Variants in ESCO2 observed in about 807,000 individuals in gnomAD.
ESCO2 encodes the protein N-acetyltransferase ESCO2.
A neutral mutation model predicts 61.7 loss-of-function variants in ESCO2; 51 were observed. The observed-to-expected ratio is 0.83, with a 90% CI of 0.66 to 1.04. The LOEUF is 1.04. ESCO2 is among the 50% of genes least tolerant of loss of function. The probability of loss-of-function intolerance (pLI) is 0.00; values close to 1 mark genes in which losing one functional copy is unlikely to be tolerated. For missense variants in ESCO2, 692 were observed against 686.2 expected, an observed-to-expected ratio of 1.01 and a Z score of -0.09; for synonymous variants, 230 against 238.2, an observed-to-expected ratio of 0.97 and a Z score of 0.32.
downstream of ESCO2, among the ~76,000 whole-genome samples, chr8:27,814,848 C>T (rs775362507): frequency 2.0e-5 from 3 of 152,062 alleles, no homozygotes; most frequent in Non-Finnish European, 4.4e-5. Flanking sequence ...TCCATTGTGG[C>T]CAACAAATAT....
At position 27,802,583 on chromosome 8, in the gene ESCO2, G is replaced by C. The variant is rs1333687596; in HGVS notation, c.1674-723G>C. Among the ~76,000 whole-genome samples the C allele has an allele frequency of 2.9e-5, 3 of 103,916 alleles. No homozygotes were observed. In the South Asian group the frequency reaches 1.1e-3, roughly 38 times the overall value. 68.2% of individuals were successfully genotyped at this position (103,916 alleles called of 152,430 possible). On this transcript the variant is annotated intron_variant, in intron 10 of 10. Transcript: ENST00000305188. ...AGATCGTGCCACTGCACTCCAGCCT[G>C]GGCGACAAAGTGAGACTCTGTCTCA...
At chr8:27,795,981 A>G (rs745424375) in intron 9 of ESCO2, among the ~76,000 whole-genome samples, 45 of 151,902 alleles carry the variant, frequency 3.0e-4, no homozygotes, top group Admixed American at 2.6e-4. Flanking sequence ...CTTTGGAGGT[A>G]TTCTTCAGTT....
chr8:27,811,052 G>A (rs369509839), downstream of ESCO2: 223 of 1,611,794 alleles, frequency 1.4e-4, no homozygotes, highest in Non-Finnish European at 1.8e-4. Context: ...TGTCTGCCTT[G>A]TCAGTAATAA....
chr8:27,791,904 T>C (rs942159395), intron 7 of ESCO2, 59 bp from the exon 8 acceptor site: 1 of 1,385,164 alleles, frequency 7.2e-7, no homozygotes, highest in Non-Finnish European at 1.0e-6. Context: ...AATTATTTAA[T>C]GTTGGTTTTT....
intron 9 of ESCO2, among the ~76,000 whole-genome samples, chr8:27,795,626 T>C (rs767513105): frequency 1.3e-5 from 2 of 152,232 alleles, no homozygotes; most frequent in Non-Finnish European, 2.9e-5. Context: ...CATTGCTAAG[T>C]ATGATGTTAG....
intron 7 of ESCO2, among the ~76,000 whole-genome samples, chr8:27,789,506 G>A (rs942334699): frequency 4.6e-5 from 7 of 152,176 alleles, no homozygotes; most frequent in African/African-American, 1.7e-4. Context: ...TAGGCCGGGT[G>A]CAGTGACTCA....
At chr8:27,789,275 G>C (rs999370805) in intron 7 of ESCO2, among the ~76,000 whole-genome samples, 1 of 152,130 alleles carries the variant, frequency 6.6e-6, no homozygotes, top group African/African-American at 2.4e-5. Context: ...TTTTTTCTGA[G>C]AGGAGAGGTC....
intron 4 of ESCO2, among the ~76,000 whole-genome samples, chr8:27,782,046 G>T (rs1409061801): frequency 6.6e-6 from 1 of 151,780 alleles, no homozygotes; most frequent in East Asian, 1.9e-4. Context: ...TTATTTCTTT[G>T]TTTGCATATT....
intron 8 of ESCO2, 102 bp downstream of exon 8, chr8:27,792,154 T>C: frequency 9.4e-7 from 1 of 1,061,322 alleles, no homozygotes; most frequent in Non-Finnish European, 1.4e-6. Context: ...TTCACTTGGG[T>C]ACCTGCTTAA....
chr8:27,805,732 C>A (rs1410077856), downstream of ESCO2, among the ~76,000 whole-genome samples: 1 of 152,100 alleles, frequency 6.6e-6, no homozygotes, highest in Admixed American at 6.5e-5. Flanking sequence ...CGCCTGAGCT[C>A]CCTAAGTAGC....
rs112842216 is a variant in ESCO2 at position 27,799,724 on chromosome 8, A to G, written c.1673+8A>G. 1.1e-5 allele frequency: 17 copies of G among 1,613,942 alleles called. 2 individuals are homozygous for G. In the African/African-American group the frequency reaches 1.7e-4, roughly 16 times the overall value. ...ACTGGTTGATACCCTCAGGTAAGAAATAAAATGGATCTAGATCCAGAACCT... is the reference window on the plus strand; with the variant it reads ...ACTGGTTGATACCCTCAGGTAAGAAGTAAAATGGATCTAGATCCAGAACCT... On this transcript the variant is annotated splice_region_variant and intron_variant, in intron 10 of 10. Transcript: ENST00000305188.
In ESCO2 at chr8:27,795,276, A is replaced by G. The variant is rs1409888509; in HGVS notation, c.1497+2465A>G. 3.9e-5 allele frequency among the ~76,000 whole-genome samples: 6 copies of G among 152,090 alleles called. No individual in the cohort carries two copies. In the East Asian group the frequency reaches 7.7e-4, roughly 20 times the overall value. On this transcript the variant is annotated intron_variant, in intron 9 of 10. Coordinates refer to ENST00000305188, the MANE Select transcript of ESCO2 (RefSeq NM_001017420.3). The stretch of plus-strand genomic sequence containing the variant: ...ATTCATAAGTGGGGTTTTTTATGCT[A>G]TTATAAGTGGATTGTCTTCTTGACT...
chr8:27,799,524 T>G lies in ESCO2; in HGVS notation c.1498-17T>G. ...ATCTGTGGTGTTAGCTATAGATGCT[T>G]CTGTATATCATTGCAGGCATTTCGT... On this transcript the variant is annotated splice_polypyrimidine_tract_variant and intron_variant, in intron 9 of 10. Transcript: ENST00000305188. 1 of 1,613,858 alleles carries G rather than the reference T, an allele frequency of 6.2e-7. No individual in the cohort carries two copies. The highest frequency in any genetic ancestry group is 8.5e-7 in the Non-Finnish European group (1 of 1,179,904).
At chr8:27,816,856 G>A (rs1315395534), downstream of ESCO2, among the ~76,000 whole-genome samples, 1 of 151,642 alleles carries the variant, frequency 6.6e-6, no homozygotes, top group Non-Finnish European at 1.5e-5. Flanking sequence ...TATAATTTAT[G>A]GATATATGGT....
At position 27,777,086 on chromosome 8, in the gene ESCO2, G is replaced by C; in HGVS notation, c.778G>C (p.Val260Leu). 6.2e-7 allele frequency: 1 copy of C among 1,603,044 alleles called. No individual in the cohort carries two copies. The highest frequency in any genetic ancestry group is 8.5e-7 in the Non-Finnish European group (1 of 1,177,496). ...AAAAAAAACTTTTGCGACAAGGCAA[G>C]TGCCAAAGTGCTTGGTCCTAGAAGA... ...SEKKTFATRQ[V>L]PKCLVLEEKL... The change falls in exon 3 of 11, where the codon GTG (valine) becomes CTG (leucine). Residue 260 changes from valine (V) to leucine (L), a missense_variant. Physicochemically the swap from Val to Leu is conservative, Grantham distance 32. Coordinates refer to ENST00000305188, the MANE Select transcript of ESCO2 (RefSeq NM_001017420.3).
At chr8:27,792,594 T>A in intron 8 of ESCO2, 74 bp from the exon 9 acceptor site, 1 of 1,424,626 alleles carries the variant, frequency 7.0e-7, no homozygotes, top group South Asian at 1.3e-5. Flanking sequence ...TCATACATTC[T>A]GTGTATATAA....
intron 7 of ESCO2, 122 bp downstream of exon 7, chr8:27,789,100 C>G: frequency 3.3e-6 from 4 of 1,227,470 alleles, no homozygotes; most frequent in Non-Finnish European, 4.6e-6. Flanking sequence ...TTCAAGCTTA[C>G]TATCTCAATT....
chr8:27,802,630 A>AT (rs1358714847), intron 10 of ESCO2, among the ~76,000 whole-genome samples: 2 of 45,834 alleles, frequency 4.4e-5, no homozygotes, highest in Non-Finnish European at 7.0e-5. Context: ...AAAAAAAAAA[A>AT]ATATATATAT....
downstream of ESCO2, among the ~76,000 whole-genome samples, chr8:27,814,707 T>C (rs1291672334): frequency 2.0e-5 from 3 of 152,316 alleles, no homozygotes; most frequent in South Asian, 2.1e-4. Flanking sequence ...TGTATTTTCC[T>C]TAATTATTCA....
Sources: allele counts gnomAD v4.1 joint callset (sites outside exome capture counted in the v4.1 genomes callset), GRCh38; gene constraint gnomAD v4.1.1; transcripts MANE v1.5; gene names NCBI Gene and HGNC (gene_info 2026-07-23, HGNC 2026-07-21).